The following SCN10A variants were observed in gnomAD, a reference collection of about 807,000 sequenced individuals.
The protein encoded by SCN10A is sodium voltage-gated channel alpha subunit 10, also known as sodium channel protein type 10 subunit alpha.
A neutral mutation model predicts 170.7 loss-of-function variants in SCN10A; 162 were observed. That is an observed-to-expected ratio of 0.95 (90% confidence interval 0.84 to 1.08). SCN10A has a LOEUF of 1.08. Among genes scored for constraint, SCN10A ranks in the 50% least tolerant of loss-of-function variants. The pLI is 0.00. For missense variants in SCN10A, 2,527 were observed against 2,436.9 expected (o/e 1.04, Z -0.78); for synonymous variants, 985 against 904.6 (o/e 1.09, Z -1.59).
chr3:38,791,408 T>A (rs1316121698), intron 3 of SCN10A, among the ~76,000 whole-genome samples: 1 of 152,236 alleles, frequency 6.6e-6, no homozygotes, highest in African/African-American at 2.4e-5. Flanking sequence ...TTGACCAATG[T>A]GTCTCTAATC....
intron 11 of SCN10A, 98 bp from the exon 12 acceptor site, chr3:38,752,610 CT>C: frequency 1.0e-6 from 1 of 1,002,512 alleles, no homozygotes; most frequent in Non-Finnish European, 1.4e-6. Flanking sequence ...TTCCCTGCCC[CT>C]GTCTTTATGA....
At chr3:38,724,978 T>A (rs535427130) in intron 18 of SCN10A, among the ~76,000 whole-genome samples, 196 bp downstream of exon 18, 1 of 152,270 alleles carries the variant, frequency 6.6e-6, no homozygotes, top group South Asian at 2.1e-4. Flanking sequence ...GGCAATGGTA[T>A]ATGGTGAAAG....
In SCN10A at chr3:38,761,241, C is replaced by A; in HGVS notation, c.834G>T (p.Lys278Asn). The A allele has an allele frequency of 6.2e-7, 1 of 1,610,096 alleles. No individual in the cohort carries two copies. The change falls in exon 7 of 28, where the codon AAG (lysine) becomes AAT (asparagine). Residue 278 changes from lysine to asparagine, a missense_variant. Transcript: ENST00000449082. ...TTGTCTCATTGACAGCCATGTCATT[C>A]TTGACACATTTATTTTTGAGGTTGC... The part of the protein sequence containing the change: ...FKGNLKNKCV[K>N]NDMAVNETTN...
chr3:38,739,069 T>A (rs2063600918), intron 15 of SCN10A, among the ~76,000 whole-genome samples: 3 of 152,050 alleles, frequency 2.0e-5, no homozygotes, highest in Non-Finnish European at 4.4e-5. Flanking sequence ...GACTTTCGGG[T>A]CATCATGGAA....
intron 12 of SCN10A, among the ~76,000 whole-genome samples, 166 bp from the exon 13 acceptor site, chr3:38,750,350 G>A (rs117410794): frequency 2.0e-5 from 3 of 152,276 alleles, no homozygotes; most frequent in East Asian, 1.9e-4. Context: ...ATCATTCTGT[G>A]AATATCCTAC....
At chr3:38,767,807 T>C (rs946631131) in intron 5 of SCN10A, among the ~76,000 whole-genome samples, 12 of 152,146 alleles carry the variant, frequency 7.9e-5, no homozygotes, top group African/African-American at 2.9e-4. Context: ...ACTTTCTGTC[T>C]TGATGACCTG....
At chr3:38,718,364 T>A (rs1022705946) in intron 21 of SCN10A, among the ~76,000 whole-genome samples, 1 of 152,234 alleles carries the variant, frequency 6.6e-6, no homozygotes, top group Non-Finnish European at 1.5e-5. Context: ...CTCTGAGAGC[T>A]GCATGTGTCA....
chr3:38,703,238 G>T (rs933256633), intron 26 of SCN10A, among the ~76,000 whole-genome samples: 1 of 152,196 alleles, frequency 6.6e-6, no homozygotes, highest in Non-Finnish European at 1.5e-5. Flanking sequence ...AATGATGGGT[G>T]AGGCTCTTGG....
chr3:38,722,536 T>C, intron 19 of SCN10A, 124 bp from the exon 20 acceptor site: 1 of 1,139,298 alleles, frequency 8.8e-7, no homozygotes. Context: ...AAAAAATTCT[T>C]TCCTGGAATA....
rs574586398 is a variant in SCN10A, at chr3:38,767,092, T to A, written c.600-3496A>T. Among the ~76,000 whole-genome samples the A allele has an allele frequency of 3.2e-3, 493 of 152,164 alleles. 2 individuals carry two copies. The highest frequency in any genetic ancestry group is 3.8e-3 in the Non-Finnish European group (261 of 67,964). On this transcript the variant is annotated intron_variant, in intron 5 of 27. Coordinates refer to ENST00000449082, the MANE Select transcript of SCN10A (RefSeq NM_006514.4). ...ATCAGTTGTAATATCTCCCATTTTA[T>A]TTCTAATTGAGCTTATTTGGATCTT...
intron 14 of SCN10A, among the ~76,000 whole-genome samples, chr3:38,740,986 A>G (rs2063625327): frequency 6.6e-6 from 1 of 151,840 alleles, no homozygotes; most frequent in Non-Finnish European, 1.5e-5. Context: ...TTAGGATGTG[A>G]CCTCAGCCTA....
intron 1 of SCN10A, among the ~76,000 whole-genome samples, chr3:38,805,768 A>G (rs994688318): frequency 1.3e-5 from 2 of 152,164 alleles, no homozygotes; most frequent in Non-Finnish European, 2.9e-5. Context: ...GTGACACTGG[A>G]AAAATAGCAC....
At chr3:38,754,429 A>G (rs1220404369) in intron 11 of SCN10A, among the ~76,000 whole-genome samples, 2 of 152,240 alleles carry the variant, frequency 1.3e-5, no homozygotes, top group African/African-American at 4.8e-5. Flanking sequence ...TGTTGAATGA[A>G]CAAGTTACAG....
chr3:38,791,239 C>A lies in SCN10A; in HGVS notation c.389+811G>T, dbSNP rs2064277145. On this transcript the variant is annotated intron_variant, in intron 3 of 27. Coordinates refer to ENST00000449082, the MANE Select transcript of SCN10A (RefSeq NM_006514.4). Reference sequence around the variant, plus strand: ...AAAGAACTTCCAATCCTTCCGATGACCAAGGATCTTAGGTCATTAGGATCT... The same window carrying A: ...AAAGAACTTCCAATCCTTCCGATGAACAAGGATCTTAGGTCATTAGGATCT... 5.3e-5 allele frequency among the ~76,000 whole-genome samples: 8 copies of A among 152,280 alleles called. No homozygotes were observed. In the South Asian group the frequency reaches 1.7e-3, roughly 32 times the overall value.
At chr3:38,811,040 A>G (rs1174632320) in intron 1 of SCN10A, among the ~76,000 whole-genome samples, 2 of 152,232 alleles carry the variant, frequency 1.3e-5, no homozygotes, top group African/African-American at 2.4e-5. Flanking sequence ...AATCTTGGAT[A>G]CTGGAGCCAT....
At chr3:38,734,840 T>G (rs2063543775) in intron 15 of SCN10A, among the ~76,000 whole-genome samples, 1 of 152,102 alleles carries the variant, frequency 6.6e-6, no homozygotes, top group Non-Finnish European at 1.5e-5. Context: ...AGCACAGTGA[T>G]CTAGTAAAAA....
At chr3:38,760,292 A>G (rs2063854058) in intron 8 of SCN10A, among the ~76,000 whole-genome samples, 1 of 152,224 alleles carries the variant, frequency 6.6e-6, no homozygotes, top group Non-Finnish European at 1.5e-5. Flanking sequence ...GCCCAGGCTA[A>G]CCTGTTTGGG....
At chr3:38,808,955 G>T (rs1272937556) in intron 1 of SCN10A, among the ~76,000 whole-genome samples, 1 of 152,210 alleles carries the variant, frequency 6.6e-6, no homozygotes, top group Non-Finnish European at 1.5e-5. Flanking sequence ...ACGTGTTTTT[G>T]TTGTTGTTGT....
rs371344658 is a variant in SCN10A, at chr3:38,710,910, A to T, written c.4090-13T>A. 6 of 1,612,292 alleles carry T rather than the reference A, an allele frequency of 3.7e-6. No individual in the cohort carries two copies. Among genetic ancestry groups the T allele is most frequent in the Non-Finnish European group, 4.2e-6 (5 of 1,178,914 alleles). ...CTTTAAAGGTTGCCTGGAGACAAGG[A>T]GCAGAGGCCACTCAGTGTCTGCCCA... is the stretch of plus-strand genomic sequence containing the variant. On this transcript the variant is annotated splice_polypyrimidine_tract_variant and intron_variant, in intron 23 of 27. Transcript: ENST00000449082.
Sources: gnomAD v4.1 joint callset for allele counts (sites outside exome capture counted in the v4.1 genomes callset) on GRCh38, gnomAD v4.1.1 for gene constraint, MANE v1.5 for transcripts, NCBI Gene and HGNC (gene_info 2026-07-23, HGNC 2026-07-21) for gene names.